CCDC40: variants seen among roughly 807,000 people sequenced by gnomAD.
CCDC40 encodes coiled-coil domain-containing protein 40.
A neutral mutation model predicts 124.5 loss-of-function variants in CCDC40; 104 were observed. The ratio of observed to expected loss-of-function variants is 0.84; its 90% CI spans 0.71 to 0.98. The LOEUF is 0.98. Ranked by LOEUF, CCDC40 falls within the 50% of genes least tolerant of loss-of-function variation. CCDC40 has a pLI of 0.00. For missense variants in CCDC40, 1,463 were observed against 1,503.9 expected, an observed-to-expected ratio of 0.97 and a Z score of 0.45; for synonymous variants, 580 against 602.9, an observed-to-expected ratio of 0.96 and a Z score of 0.56.
intron 13 of CCDC40, among the ~76,000 whole-genome samples, chr17:80,085,712 C>T (rs191510353): frequency 8.9e-4 from 130 of 146,788 alleles, no homozygotes; most frequent in African/African-American, 3.1e-3. Flanking sequence ...TGCTCTATTG[C>T]CCAGGCTGGA....
rs1005182080 is a variant in CCDC40, at chr17:80,036,869, C to T, written c.29+178C>T. ...GCCTTTCCCGTCCACTGCGTTCAGC[C>T]CCTCACCCCCCCGCCAACCCTTCTC... On this transcript the variant is annotated intron_variant, in intron 1 of 19. Transcript: ENST00000397545. 2.7e-5 allele frequency: 14 copies of T among 518,780 alleles called. No individual in the cohort carries two copies. The South Asian group carries it at 4.2e-4, about 15-fold the overall frequency. 32.1% of individuals were successfully genotyped at this position (518,780 alleles called of 1,614,324 possible).
In CCDC40 at chr17:80,078,828, C is replaced by G. The variant is rs547690743; in HGVS notation, c.1563-2718C>G. 2.8e-4 allele frequency among the ~76,000 whole-genome samples: 42 copies of G among 152,020 alleles called. No individual in the cohort carries two copies. In the South Asian group the frequency reaches 7.9e-3, roughly 29 times the overall value. On this transcript the variant is annotated intron_variant, in intron 10 of 19. Transcript: ENST00000397545. ...GGAAAAAATGCCTTCTGGGATGTAA[C>G]TGAAATTACATTGAATCCATAGATC...
chr17:80,098,159 A>C (rs1343759844), intron 19 of CCDC40, among the ~76,000 whole-genome samples: 1 of 152,210 alleles, frequency 6.6e-6, no homozygotes, highest in Non-Finnish European at 1.5e-5. Flanking sequence ...ACAGCCCGGC[A>C]AGGCAGAAGC....
At chr17:80,089,060 T>C (rs1214655572) in intron 16 of CCDC40, among the ~76,000 whole-genome samples, 5 of 152,208 alleles carry the variant, frequency 3.3e-5, no homozygotes, top group Admixed American at 2.0e-4. Context: ...CCAGGGAAAA[T>C]TGCATATAAT....
chr17:80,067,897 C>T (rs543773342), intron 10 of CCDC40: 43 of 1,351,988 alleles, frequency 3.2e-5, no homozygotes, highest in East Asian at 1.4e-4. Context: ...AACGTGCATG[C>T]GCAGAATGTT....
chr17:80,084,438 CAT>C (rs995176886), intron 12 of CCDC40, among the ~76,000 whole-genome samples: 4 of 152,210 alleles, frequency 2.6e-5, no homozygotes, highest in Non-Finnish European at 2.9e-5. Flanking sequence ...CCTCCCTTGA[CAT>C]GTGGGATTAT....
intron 10 of CCDC40, among the ~76,000 whole-genome samples, chr17:80,073,788 C>T (rs543930244): frequency 3.9e-5 from 6 of 152,246 alleles, no homozygotes; most frequent in East Asian, 3.9e-4. Context: ...CTCTACCTCC[C>T]GGGTTCAAGC....
rs746905855 is a variant in CCDC40 at position 80,084,742 on chromosome 17, G to C, written c.1990-1G>C. On this transcript the variant is annotated splice_acceptor_variant, in intron 12 of 19. Coordinates refer to ENST00000397545, the MANE Select transcript of CCDC40 (RefSeq NM_017950.4). LOFTEE classifies it high-confidence loss of function. ...ACAGGTATTTCTTTTCATCAATTCA[G>C]ATGACACATCTTTCCAAAATCAACG... 1.2e-6 allele frequency: 2 copies of C among 1,613,820 alleles called. No individual in the cohort carries two copies. Among genetic ancestry groups the C allele is most frequent in the Non-Finnish European group, 1.7e-6 (2 of 1,180,010 alleles).
chr17:80,037,777 C>T (rs896403941), intron 1 of CCDC40, among the ~76,000 whole-genome samples: 2 of 147,652 alleles, frequency 1.4e-5, no homozygotes, highest in Non-Finnish European at 3.0e-5. Context: ...TTACTCTGAT[C>T]GCGCTACTTT....
intron 10 of CCDC40, chr17:80,067,751 G>A (rs2038085298): frequency 6.7e-7 from 1 of 1,496,464 alleles, no homozygotes; most frequent in African/African-American, 1.4e-5. Flanking sequence ...GGTCTAGCGG[G>A]TATTGCTAAG....
rs2885349 is a variant in CCDC40, at chr17:80,040,225, G to A, written c.507G>A (p.Ser169=). 19,727 of 1,613,862 alleles carry A rather than the reference G, an allele frequency of 0.012. 1,261 individuals carry two copies. In the African/African-American group the frequency reaches 0.17, roughly 14 times the overall value. Residue 169 remains serine (S), a synonymous_variant, in exon 3 of 20, where the codon TCG becomes TCA. Transcript: ENST00000397545. ...PEPSHGVLGP[S]EQMGQVTSGP... ...CATCCCACGGAGTCTTAGGCCCGTC[G>A]GAGCAAATGGGCCAGGTCACCTCTG... is the stretch of plus-strand genomic sequence containing the variant.
chr17:80,056,942 G>A (rs1433807775), intron 7 of CCDC40, among the ~76,000 whole-genome samples: 10 of 150,606 alleles, frequency 6.6e-5, no homozygotes, highest in Non-Finnish European at 1.5e-5. Context: ...TCAGGAGACT[G>A]AGGCAGAAGA....
chr17:80,063,625 T>C (rs938619700), intron 9 of CCDC40, among the ~76,000 whole-genome samples: 7 of 152,222 alleles, frequency 4.6e-5, no homozygotes, highest in African/African-American at 1.7e-4. Context: ...CATACAAAAC[T>C]GTGACCCAGC....
chr17:80,045,562 G>A (rs1437752599), intron 3 of CCDC40, among the ~76,000 whole-genome samples: 1 of 152,098 alleles, frequency 6.6e-6, no homozygotes, highest in Non-Finnish European at 1.5e-5. Context: ...AAATTAGCCA[G>A]GTGTGGTGGC....
intron 18 of CCDC40, among the ~76,000 whole-genome samples, 162 bp from the exon 19 acceptor site, chr17:80,097,083 G>A (rs1287881337): frequency 1.3e-5 from 2 of 152,178 alleles, no homozygotes; most frequent in Admixed American, 1.3e-4. Context: ...GCTGGGCCTG[G>A]CATCTCCCAG....
At chr17:80,048,999 G>A (rs1180646801) in intron 5 of CCDC40, among the ~76,000 whole-genome samples, 4 of 152,110 alleles carry the variant, frequency 2.6e-5, no homozygotes, top group African/African-American at 7.2e-5. Flanking sequence ...CCGTGGGGCC[G>A]GGTCATTCTG....
At chr17:80,095,196 C>T (rs758018141) in intron 17 of CCDC40, 67 bp from the exon 18 acceptor site, 40 of 1,488,036 alleles carry the variant, frequency 2.7e-5, no homozygotes, top group Admixed American at 1.2e-4. Flanking sequence ...GCCAGCGCCC[C>T]GGCCACTCTC....
rs1286816340 is a variant in CCDC40, at chr17:80,066,703, A to G, written c.1562+1097A>G. ...GCGGAGGTTGTAGTGAGCCGAGATC[A>G]CGCCACTGCACTCTAGCCTGGGAGA... On this transcript the variant is annotated intron_variant, in intron 10 of 19. Coordinates refer to ENST00000397545, the MANE Select transcript of CCDC40 (RefSeq NM_017950.4). This position sits in a 1 kb window ranked among gnomAD's most constrained non-coding sequence, Gnocchi z 4.4. 6.5e-6 allele frequency: 1 copy of G among 154,914 alleles called. No homozygotes were observed. The highest frequency in any genetic ancestry group is 2.4e-5 in the African/African-American group (1 of 41,452). The allele number at this position is 154,914 out of a possible 1,614,324, so 9.6% of individuals were successfully genotyped here.
At chr17:80,088,737 G>A (rs1433471675) in intron 16 of CCDC40, among the ~76,000 whole-genome samples, 1 of 152,184 alleles carries the variant, frequency 6.6e-6, no homozygotes, top group African/African-American at 2.4e-5. Context: ...AGCCCAGGAG[G>A]TCAAGGCTGC....
Sources: gnomAD v4.1 joint callset for allele counts (sites outside exome capture counted in the v4.1 genomes callset) on GRCh38, gnomAD v4.1.1 for gene constraint, Gnocchi (gnomAD v3.1) non-coding constraint, MANE v1.5 for transcripts, NCBI Gene and HGNC (gene_info 2026-07-23, HGNC 2026-07-21) for gene names.